Variants in OTC observed in about 807,000 individuals in gnomAD.
The protein encoded by OTC is ornithine transcarbamylase, mitochondrial.
A neutral mutation model predicts 30.3 loss-of-function variants in OTC; 3 were observed. The ratio of observed to expected loss-of-function variants is 0.10; its 90% CI spans 0.05 to 0.26. The LOEUF (loss-of-function observed/expected upper bound fraction) is 0.26, where lower values mean the gene tolerates loss of function less well. Among genes scored for constraint, OTC ranks in the 10% least tolerant of loss-of-function variants. OTC has a pLI of 1.00. For missense variants in OTC, 194 were observed against 260.3 expected, an observed-to-expected ratio of 0.75 and a Z score of 1.75; for synonymous variants, 111 against 99.7, an observed-to-expected ratio of 1.11 and a Z score of -0.67.
intron 1 of OTC, among the ~76,000 whole-genome samples, chrX:38,363,664 A>T (rs778537745): frequency 3.6e-5 from 4 of 111,382 alleles, no homozygotes; most frequent in African/African-American, 1.3e-4. Context: ...TTCTGTCTAA[A>T]TGCCTTGCTT....
chrX:38,350,361 C>T (rs749342155), upstream of OTC, among the ~76,000 whole-genome samples: 1 of 111,508 alleles, frequency 9.0e-6, no homozygotes, highest in South Asian at 3.8e-4. Context: ...TTGATGGTGG[C>T]AGAGAAAAAT....
At chrX:38,387,130 A>AT (rs1208040271) in intron 4 of OTC, among the ~76,000 whole-genome samples, 1 of 111,449 alleles carries the variant, frequency 9.0e-6, no homozygotes, top group Non-Finnish European at 1.9e-5. Context: ...TCTTTTGCCT[A>AT]TTTTTTTAAT....
the OTC span, among the ~76,000 whole-genome samples, chrX:38,334,651 T>C: frequency 8.9e-6 from 1 of 112,543 alleles, no homozygotes; most frequent in Non-Finnish European, 1.9e-5. Flanking sequence ...ATTGTGTATA[T>C]TGTAAAGCAT....
intron 4 of OTC, among the ~76,000 whole-genome samples, chrX:38,388,698 G>T (rs73632478): frequency 0.052 from 5,772 of 111,437 alleles, 371 homozygotes; most frequent in African/African-American, 0.18. Flanking sequence ...ATAGTACTTA[G>T]TAATGCAGCT....
intron 4 of OTC, among the ~76,000 whole-genome samples, chrX:38,383,729 C>T (rs1358050240): frequency 9.3e-6 from 1 of 107,499 alleles, no homozygotes; most frequent in African/African-American, 3.4e-5. Context: ...ACTCGGGAGG[C>T]GGAGGTTGCA....
intron 1 of OTC, among the ~76,000 whole-genome samples, chrX:38,358,913 C>T (rs980098136): frequency 9.0e-6 from 1 of 110,669 alleles, no homozygotes; most frequent in Non-Finnish European, 1.9e-5. Context: ...TGAGCCACCG[C>T]ACCCGGCCAG....
At chrX:38,331,774 G>A in the OTC span, among the ~76,000 whole-genome samples, 4 of 110,361 alleles carry the variant, frequency 3.6e-5, no homozygotes, top group African/African-American at 6.6e-5. Context: ...TAGAGATGGG[G>A]TTTGGCCACA....
At chrX:38,338,735 A>T in the OTC span, among the ~76,000 whole-genome samples, 16,817 of 111,932 alleles carry the variant, frequency 0.15, 1,122 homozygotes, top group Middle Eastern at 0.26. Context: ...AGAGAGAAAT[A>T]CTTGGGCAAA....
intron 9 of OTC, among the ~76,000 whole-genome samples, chrX:38,414,398 C>A (rs893892036): frequency 1.8e-5 from 2 of 111,824 alleles, no homozygotes; most frequent in African/African-American, 6.5e-5. Flanking sequence ...CTAGATCTTA[C>A]CGCCATCTCC....
intron 4 of OTC, among the ~76,000 whole-genome samples, chrX:38,387,876 A>T: frequency 9.0e-6 from 1 of 111,378 alleles, no homozygotes; most frequent in Middle Eastern, 4.6e-3. Context: ...GTGTGATCCC[A>T]AATTCCAGAC....
intron 9 of OTC, 118 bp from the exon 10 acceptor site, chrX:38,420,905 A>G: frequency 1.9e-6 from 1 of 520,750 alleles, no homozygotes; most frequent in Non-Finnish European, 3.4e-6. Context: ...CATTTTCTTG[A>G]GAAAACACAT....
At chrX:38,355,359 CT>C (rs2147316991) in intron 1 of OTC, among the ~76,000 whole-genome samples, 1 of 111,678 alleles carries the variant, frequency 9.0e-6, no homozygotes, top group Admixed American at 9.5e-5. Flanking sequence ...GATTTGTTGC[CT>C]ATTAGGGAAA....
rs181922000 is a variant in OTC, at chrX:38,378,528, A to G, written c.299-2814A>G. 3.6e-5 allele frequency among the ~76,000 whole-genome samples: 4 copies of G among 111,643 alleles called. No individual in the cohort carries two copies. In the East Asian group the frequency reaches 8.4e-4, roughly 23 times the overall value. On this transcript the variant is annotated intron_variant, in intron 3 of 9. Coordinates refer to ENST00000039007, the MANE Select transcript of OTC (RefSeq NM_000531.6). ...ACAACAATAAATATATATGAACCCA[A>G]TGCTAGAGCAACCAGATATATAAAG...
intron 1 of OTC, among the ~76,000 whole-genome samples, chrX:38,363,640 C>T (rs772291126): frequency 8.1e-5 from 9 of 110,664 alleles, no homozygotes; most frequent in Non-Finnish European, 1.7e-4. Flanking sequence ...AAAATTTGTA[C>T]GTAAATACAA....
chrX:38,377,524 G>GT (rs920606822), intron 3 of OTC, among the ~76,000 whole-genome samples: 1 of 111,852 alleles, frequency 8.9e-6, no homozygotes, highest in African/African-American at 3.2e-5. Flanking sequence ...TAAAAAGTTG[G>GT]TTTTTTGAAA....
At chrX:38,360,476 T>G (rs1030251173) in intron 1 of OTC, among the ~76,000 whole-genome samples, 2 of 111,261 alleles carry the variant, frequency 1.8e-5, no homozygotes, top group African/African-American at 6.6e-5. Flanking sequence ...ACAAACAAAA[T>G]GAAGGTAAAG....
intron 3 of OTC, among the ~76,000 whole-genome samples, chrX:38,377,460 A>G (rs1474828727): frequency 8.9e-6 from 1 of 112,089 alleles, no homozygotes; most frequent in African/African-American, 3.3e-5. Context: ...AATAATACAG[A>G]TCAAAACAGA....
chrX:38,347,607 C>T (rs1249845729), upstream of OTC, among the ~76,000 whole-genome samples: 2 of 112,362 alleles, frequency 1.8e-5, no homozygotes, highest in South Asian at 3.6e-4. Context: ...ATCAGAGCTT[C>T]GCACTGCAGT....
chrX:38,409,559 T>C (rs745756699), intron 8 of OTC, among the ~76,000 whole-genome samples: 1 of 112,365 alleles, frequency 8.9e-6, no homozygotes, highest in South Asian at 3.7e-4. Context: ...GAGTTGTTAA[T>C]ACACAGCTGG....
Sources: allele counts gnomAD v4.1 joint callset (sites outside exome capture counted in the v4.1 genomes callset), GRCh38; gene constraint gnomAD v4.1.1; transcripts MANE v1.5; gene names NCBI Gene and HGNC (gene_info 2026-07-23, HGNC 2026-07-21).